Variants in CARMIL1 observed in about 807,000 individuals in gnomAD.
CARMIL1 encodes the protein F-actin-uncapping protein LRRC16A.
Under a neutral mutation model 177.1 loss-of-function variants are expected in CARMIL1, and 90 were observed. The observed-to-expected ratio is 0.51, with a 90% confidence interval of 0.43 to 0.61. The LOEUF (loss-of-function observed/expected upper bound fraction) is 0.61. Among genes scored for constraint, CARMIL1 ranks in the 20% least tolerant of loss-of-function variants. CARMIL1 has a pLI of 0.00. For synonymous variants in CARMIL1, 577 were observed against 606.2 expected (o/e 0.95, Z 0.71); for missense variants, 1,380 against 1,667.0 (o/e 0.83, Z 3.00).
intron 2 of CARMIL1, among the ~76,000 whole-genome samples, chr6:25,403,081 G>GT (rs71969807): frequency 0.1 from 14,457 of 142,862 alleles, 767 homozygotes; most frequent in Non-Finnish European, 0.14. Flanking sequence ...TCCATAAAGA[G>GT]TTTTTTTTTT....
chr6:25,474,400 C>T (rs1032076144), intron 11 of CARMIL1, among the ~76,000 whole-genome samples: 5 of 152,124 alleles, frequency 3.3e-5, no homozygotes, highest in Non-Finnish European at 5.9e-5. Flanking sequence ...CAGGCGTGAG[C>T]CACCGCACCC....
intron 2 of CARMIL1, among the ~76,000 whole-genome samples, chr6:25,411,205 G>A (rs1794874847): frequency 6.6e-6 from 1 of 152,160 alleles, no homozygotes; most frequent in Admixed American, 6.5e-5. Flanking sequence ...AGACCTGTGA[G>A]TCCCCTGCTG....
intron 29 of CARMIL1, among the ~76,000 whole-genome samples, chr6:25,572,952 G>T (rs34809357): frequency 6.6e-6 from 1 of 152,150 alleles, no homozygotes; most frequent in East Asian, 1.9e-4. Context: ...CAAGTCTATA[G>T]AACCTGAATG....
At chr6:25,306,495 C>A (rs919028778) in intron 2 of CARMIL1, among the ~76,000 whole-genome samples, 10 of 152,136 alleles carry the variant, frequency 6.6e-5, no homozygotes, top group Non-Finnish European at 1.0e-4. Context: ...AACCATCTCT[C>A]CTCCCCCCCA....
intron 2 of CARMIL1, among the ~76,000 whole-genome samples, chr6:25,288,223 G>A (rs1028257486): frequency 2.6e-5 from 4 of 152,198 alleles, no homozygotes; most frequent in African/African-American, 4.8e-5. Context: ...AATACGTCTG[G>A]AAGCCTGAGA....
intron 2 of CARMIL1, among the ~76,000 whole-genome samples, chr6:25,364,931 G>A (rs561745499): frequency 6.6e-6 from 1 of 152,248 alleles, no homozygotes; most frequent in Admixed American, 6.5e-5. Context: ...GCGAGGAGGG[G>A]CCCAAGCATC....
chr6:25,606,565 T>C (rs1582510079), intron 35 of CARMIL1, among the ~76,000 whole-genome samples: 1 of 152,206 alleles, frequency 6.6e-6, no homozygotes, highest in Non-Finnish European at 1.5e-5. Context: ...TCTTTTGTCA[T>C]GTTGACCCAT....
At position 25,538,042 on chromosome 6, in the gene CARMIL1, T is replaced by G. The variant is rs1013451812; in HGVS notation, c.2196+59T>G. 5 of 1,500,730 alleles carry G rather than the reference T, an allele frequency of 3.3e-6. No individual in the cohort carries two copies. In the African/African-American group the frequency reaches 7.0e-5, roughly 21 times the overall value. The allele number at this position is 1,500,730 out of a possible 1,614,324, so 93.0% of individuals were successfully genotyped here. A position where few individuals can be genotyped will look rare whatever the true frequency, so the allele number is the denominator to read the frequency against. On this transcript the variant is annotated intron_variant, in intron 25 of 36. Coordinates refer to ENST00000329474, the MANE Select transcript of CARMIL1 (RefSeq NM_017640.6). ...TATAATAAAAACGTTTCATAAAATT[T>G]AGTTTTAGAAACCAGTTTCAACTTT... is the stretch of plus-strand genomic sequence containing the variant.
At chr6:25,504,270 G>T (rs991837952) in intron 17 of CARMIL1, among the ~76,000 whole-genome samples, 8 of 152,150 alleles carry the variant, frequency 5.3e-5, no homozygotes, top group African/African-American at 1.9e-4. Context: ...AAAGTAGGAA[G>T]TAAAAGTGTT....
chr6:25,342,937 A>G (rs1787092554), intron 2 of CARMIL1, among the ~76,000 whole-genome samples: 1 of 152,180 alleles, frequency 6.6e-6, no homozygotes, highest in South Asian at 2.1e-4. Flanking sequence ...CTGTCAGGAA[A>G]TCTGATGCAA....
intron 5 of CARMIL1, among the ~76,000 whole-genome samples, chr6:25,437,134 A>G (rs1194617841): frequency 6.6e-6 from 1 of 152,186 alleles, no homozygotes; most frequent in South Asian, 2.1e-4. Flanking sequence ...CATCTTCCTT[A>G]AACTACATTT....
intron 24 of CARMIL1, among the ~76,000 whole-genome samples, chr6:25,534,119 CT>C (rs753011177): frequency 2.5e-3 from 357 of 143,124 alleles, no homozygotes; most frequent in Admixed American, 2.7e-3. Flanking sequence ...CCTTCTACGT[CT>C]TTTTTTTTTT....
At chr6:25,570,769 A>C (rs761093399) in intron 29 of CARMIL1, among the ~76,000 whole-genome samples, 9 of 152,242 alleles carry the variant, frequency 5.9e-5, no homozygotes, top group Non-Finnish European at 1.2e-4. Context: ...TGTAGCGTGA[A>C]TAGCTGGATT....
chr6:25,450,852 CCCCTCCCTTCCCTT>C (rs1798780163), intron 8 of CARMIL1, 141 bp downstream of exon 8: 11 of 526,500 alleles, frequency 2.1e-5, no homozygotes, highest in African/African-American at 1.7e-4. Context: ...CCCCTTCCCT[CCCCTCCCTTCCCTT>C]CCCTTCTCTT....
At chr6:25,288,929 G>A (rs1288423059) in intron 2 of CARMIL1, among the ~76,000 whole-genome samples, 1 of 152,178 alleles carries the variant, frequency 6.6e-6, no homozygotes. Flanking sequence ...TTTCTTTACT[G>A]CATGAGTTTT....
At chr6:25,390,319 TA>T (rs375392117) in intron 2 of CARMIL1, among the ~76,000 whole-genome samples, 302 of 34,464 alleles carry the variant, frequency 8.8e-3, no homozygotes, top group Middle Eastern at 0.028. Flanking sequence ...TATATATATA[TA>T]TTTTTTTTTT....
At chr6:25,432,106 A>G (rs887720245) in intron 4 of CARMIL1, among the ~76,000 whole-genome samples, 2 of 152,186 alleles carry the variant, frequency 1.3e-5, no homozygotes, top group Admixed American at 1.3e-4. Context: ...GGACAGTTAC[A>G]GTTCTATACA....
At chr6:25,449,132 TC>T (rs1218024287) in intron 5 of CARMIL1, among the ~76,000 whole-genome samples, 3 of 152,148 alleles carry the variant, frequency 2.0e-5, no homozygotes, top group African/African-American at 7.2e-5. Context: ...GCTCAAGTAA[TC>T]GCCTGCCTTG....
chr6:25,440,330 G>T (rs1797631041), intron 5 of CARMIL1, among the ~76,000 whole-genome samples: 1 of 152,228 alleles, frequency 6.6e-6, no homozygotes, highest in African/African-American at 2.4e-5. Flanking sequence ...GGAGAGAGTA[G>T]TGAAAGGAAA....
Sources: gnomAD v4.1 joint callset for allele counts (sites outside exome capture counted in the v4.1 genomes callset) on GRCh38, gnomAD v4.1.1 for gene constraint, MANE v1.5 for transcripts, NCBI Gene and HGNC (gene_info 2026-07-23, HGNC 2026-07-21) for gene names.